PCCA: variants seen among roughly 807,000 people sequenced by gnomAD.
The protein encoded by PCCA is propionyl-CoA carboxylase subunit alpha, also known as propionyl-CoA carboxylase alpha chain, mitochondrial.
A neutral mutation model predicts 101.3 loss-of-function variants in PCCA; 74 were observed. The observed-to-expected ratio is 0.73, with a 90% confidence interval of 0.61 to 0.89. The LOEUF is 0.89. Among genes scored for constraint, PCCA ranks in the 40% least tolerant of loss-of-function variants. The probability of loss-of-function intolerance (pLI) is 0.00; values close to 1 mark genes in which losing one functional copy is unlikely to be tolerated. For synonymous variants in PCCA, 294 were observed against 313.6 expected, an observed-to-expected ratio of 0.94 and a Z score of 0.66; for missense variants, 891 against 907.0, an observed-to-expected ratio of 0.98 and a Z score of 0.23.
intron 14 of PCCA, 61 bp from the exon 15 acceptor site, chr13:100,307,131 G>T: frequency 8.8e-7 from 1 of 1,138,228 alleles, no homozygotes; most frequent in East Asian, 2.4e-5. Flanking sequence ...TGAAATTGGT[G>T]GTTACAAAAA....
chr13:100,365,374 CTCA>C (rs763213918), intron 18 of PCCA, among the ~76,000 whole-genome samples: 37 of 152,164 alleles, frequency 2.4e-4, no homozygotes, highest in Admixed American at 7.9e-4. Context: ...GCAACTGTAT[CTCA>C]TCACCATCTA....
chr13:100,325,570 G>T (rs1293413497), intron 16 of PCCA, among the ~76,000 whole-genome samples: 1 of 152,192 alleles, frequency 6.6e-6, no homozygotes, highest in East Asian at 1.9e-4. Context: ...ACATTTCTTA[G>T]TAGGGAAAAG....
intron 21 of PCCA, among the ~76,000 whole-genome samples, chr13:100,483,903 G>A (rs182833729): frequency 1.3e-5 from 2 of 152,296 alleles, no homozygotes; most frequent in East Asian, 3.9e-4. Context: ...CCATTGATGG[G>A]ACATTATTAC....
intron 18 of PCCA, among the ~76,000 whole-genome samples, chr13:100,340,964 CT>C (rs1227241684): frequency 1.3e-5 from 2 of 152,102 alleles, no homozygotes; most frequent in African/African-American, 4.8e-5. Flanking sequence ...AGGTGATGAA[CT>C]AGCTTTGAAA....
At chr13:100,369,474 T>C (rs2075427123) in intron 19 of PCCA, among the ~76,000 whole-genome samples, 2 of 152,194 alleles carry the variant, frequency 1.3e-5, no homozygotes, top group African/African-American at 2.4e-5. Context: ...TGAAGATTCA[T>C]GAGAATTCAT....
intron 21 of PCCA, among the ~76,000 whole-genome samples, chr13:100,488,483 G>A (rs1318099752): frequency 6.6e-6 from 1 of 152,122 alleles, no homozygotes; most frequent in Non-Finnish European, 1.5e-5. Flanking sequence ...GCATTTTAAA[G>A]TTAGTGGAGG....
chr13:100,200,212 C>T (rs2058386735), intron 6 of PCCA, among the ~76,000 whole-genome samples: 1 of 152,204 alleles, frequency 6.6e-6, no homozygotes. Context: ...TCACACTGTT[C>T]TCCTGCCTCA....
At chr13:100,091,146 T>TA (rs1286871016) in intron 1 of PCCA, among the ~76,000 whole-genome samples, 6 of 152,088 alleles carry the variant, frequency 3.9e-5, no homozygotes, top group Non-Finnish European at 8.8e-5. Context: ...CATCTGGCTC[T>TA]TATAGATCAC....
chr13:100,145,590 G>A (rs2052437373), intron 4 of PCCA, among the ~76,000 whole-genome samples: 2 of 152,120 alleles, frequency 1.3e-5, no homozygotes, highest in African/African-American at 2.4e-5. Context: ...ACGGTAGGGC[G>A]CAGTGGCTCA....
chr13:100,271,032 TA>T (rs1376920022), intron 11 of PCCA, among the ~76,000 whole-genome samples: 4 of 146,856 alleles, frequency 2.7e-5, no homozygotes, highest in Admixed American at 6.8e-5. Flanking sequence ...AAAATAAAAA[TA>T]AAAAAAAGAA....
chr13:100,131,593 C>T (rs907835122), intron 4 of PCCA, among the ~76,000 whole-genome samples: 3 of 151,994 alleles, frequency 2.0e-5, no homozygotes, highest in Admixed American at 6.6e-5. Context: ...CGGGTGGTGG[C>T]GATGGTTTCG....
intron 4 of PCCA, among the ~76,000 whole-genome samples, chr13:100,137,836 G>T (rs1049835168): frequency 2.0e-5 from 3 of 149,798 alleles, no homozygotes; most frequent in East Asian, 3.9e-4. Context: ...TCGAGACAGG[G>T]TCTCACTCTG....
chr13:100,329,359 C>T (rs578192392), intron 16 of PCCA, among the ~76,000 whole-genome samples: 2 of 152,120 alleles, frequency 1.3e-5, no homozygotes, highest in Non-Finnish European at 2.9e-5. Context: ...TGCTAATGAA[C>T]GTACCGTGCA....
intron 21 of PCCA, among the ~76,000 whole-genome samples, chr13:100,449,883 A>G (rs1357335725): frequency 6.6e-6 from 1 of 152,230 alleles, no homozygotes; most frequent in Non-Finnish European, 1.5e-5. Context: ...ATGGCTTATT[A>G]TACATGTTGC....
chr13:100,264,680 C>T (rs963179540), intron 10 of PCCA, among the ~76,000 whole-genome samples: 1 of 151,968 alleles, frequency 6.6e-6, no homozygotes, highest in Non-Finnish European at 1.5e-5. Flanking sequence ...AAATAAATTG[C>T]TGTGTCTTTT....
At chr13:100,275,023 A>G (rs1011925734) in intron 12 of PCCA, among the ~76,000 whole-genome samples, 2 of 113,450 alleles carry the variant, frequency 1.8e-5, no homozygotes, top group Admixed American at 1.3e-4. Flanking sequence ...AACAGTGTCA[A>G]CTCTTCTTCC....
intron 4 of PCCA, among the ~76,000 whole-genome samples, chr13:100,132,476 G>A (rs1012907929): frequency 6.6e-6 from 1 of 152,190 alleles, no homozygotes; most frequent in African/African-American, 2.4e-5. Flanking sequence ...CCAAACTGTT[G>A]TGTGTATCAA....
At chr13:100,428,453 T>A (rs1429734043) in intron 20 of PCCA, among the ~76,000 whole-genome samples, 1 of 151,320 alleles carries the variant, frequency 6.6e-6, no homozygotes, top group African/African-American at 2.4e-5. Flanking sequence ...TGAGGCAAGC[T>A]ATGTAACTTC....
chr13:100,421,845 C>T (rs369403773), intron 19 of PCCA, among the ~76,000 whole-genome samples: 23 of 151,868 alleles, frequency 1.5e-4, no homozygotes, highest in Admixed American at 8.5e-4. Context: ...CTACCATGCC[C>T]GGCTAATTTT....
Sources: gnomAD v4.1 joint callset for allele counts (sites outside exome capture counted in the v4.1 genomes callset) on GRCh38, gnomAD v4.1.1 for gene constraint, MANE v1.5 for transcripts, NCBI Gene and HGNC (gene_info 2026-07-23, HGNC 2026-07-21) for gene names.